Variants in NPIPB12 observed in about 807,000 individuals in gnomAD.
NPIPB12 encodes nuclear pore complex interacting protein family member B12.
In NPIPB12 at chr16:29,486,993, CA is replaced by C. The variant is rs1404727504; in HGVS notation, c.746del (p.Leu249ArgfsTer19). ...ACCTCTGACACTTAGAATATTAGAT[CA>C]GGGGCCCCACTGGGTGGGGATGAAG... On this transcript the variant is annotated frameshift_variant, in exon 6 of 6. Coordinates refer to ENST00000617311, the Ensembl canonical transcript of NPIPB12. LOFTEE classifies it high-confidence loss of function. 6 of 961,024 alleles carry C rather than the reference CA, an allele frequency of 6.2e-6. 2 individuals carry two copies. The highest frequency in any genetic ancestry group is 1.3e-4 in the East Asian group (2 of 15,438). The allele number at this position is 961,024 out of a possible 1,614,324, so 59.5% of individuals were successfully genotyped here.
At chr16:29,498,389 CAA>C (rs1596717831) in intron 1 of NPIPB12, among the ~76,000 whole-genome samples, 2 of 137,386 alleles carry the variant, frequency 1.5e-5, no homozygotes, top group South Asian at 2.5e-4. Flanking sequence ...ATGTACTTTC[CAA>C]AGTTAGTAAA....
chr16:29,504,546 G>A (rs559740003), intron 2 of NPIPB12, among the ~76,000 whole-genome samples: 2 of 149,444 alleles, frequency 1.3e-5, no homozygotes, highest in South Asian at 4.3e-4. Context: ...GTGTGTGTGT[G>A]TGTGTGTGTG....
chr16:29,498,090 CG>C (rs1229535227), intron 1 of NPIPB12, among the ~76,000 whole-genome samples: 5 of 132,524 alleles, frequency 3.8e-5, no homozygotes, highest in African/African-American at 1.3e-4. Context: ...CACCTGAGGT[CG>C]GGAGTTCAAA....
intron 2 of NPIPB12, among the ~76,000 whole-genome samples, chr16:29,504,522 G>A (rs1238166784): frequency 2.0e-5 from 2 of 101,874 alleles, no homozygotes; most frequent in African/African-American, 1.1e-4. Context: ...ATATGTGTGT[G>A]TGTGTGTGTG....
At chr16:29,504,514 ATGTGTGTG>A (rs375593232) in intron 2 of NPIPB12, among the ~76,000 whole-genome samples, 2,510 of 137,572 alleles carry the variant, frequency 0.018, 9 homozygotes, top group South Asian at 0.04. Context: ...CAAAAAATAT[ATGTGTGTG>A]TGTGTGTGTG....
At chr16:29,492,472 C>A (rs1046566529) in intron 2 of NPIPB12, among the ~76,000 whole-genome samples, 6 of 66,850 alleles carry the variant, frequency 9.0e-5, no homozygotes, top group Non-Finnish European at 8.2e-5. Flanking sequence ...ACCTGGGCAA[C>A]AAAATTGAAA....
intron 4 of NPIPB12, among the ~76,000 whole-genome samples, chr16:29,490,495 G>A (rs1401141533): frequency 4.8e-4 from 71 of 149,180 alleles, no homozygotes; most frequent in South Asian, 4.4e-4. Context: ...AGCACATTGG[G>A]AGGCCGAGGT....
intron 2 of NPIPB12, among the ~76,000 whole-genome samples, chr16:29,504,748 ACT>A (rs1269638502): frequency 2.0e-4 from 6 of 30,346 alleles, no homozygotes; most frequent in South Asian, 1.5e-3. Context: ...GATGTGGTTA[ACT>A]CTTTTATTCA....
intron 4 of NPIPB12, among the ~76,000 whole-genome samples, chr16:29,490,201 T>G (rs1163553720): frequency 4.1e-3 from 128 of 30,990 alleles, no homozygotes; most frequent in African/African-American, 0.018. Context: ...TTGCTAAACA[T>G]TTTTTAACAA....
intron 4 of NPIPB12, among the ~76,000 whole-genome samples, chr16:29,490,551 G>A (rs1965069509): frequency 6.9e-6 from 1 of 145,820 alleles, no homozygotes. Context: ...CCAATATGGT[G>A]AAACCCCGCC....
At chr16:29,495,194 G>C (rs1399116911) in intron 2 of NPIPB12, among the ~76,000 whole-genome samples, 2 of 145,502 alleles carry the variant, frequency 1.4e-5, no homozygotes, top group Admixed American at 7.0e-5. Flanking sequence ...TCCTATTTAA[G>C]TGACGAAACC....
chr16:29,498,389 C>T (rs1186648479), intron 1 of NPIPB12, among the ~76,000 whole-genome samples: 2 of 137,320 alleles, frequency 1.5e-5, no homozygotes, highest in East Asian at 2.4e-4. Context: ...ATGTACTTTC[C>T]AAAGTTAGTA....
chr16:29,498,387 T>C (rs1280955279), intron 1 of NPIPB12, among the ~76,000 whole-genome samples: 1 of 138,824 alleles, frequency 7.2e-6, no homozygotes, highest in East Asian at 2.3e-4. Context: ...GTATGTACTT[T>C]CCAAAGTTAG....
chr16:29,498,061 G>A, intron 1 of NPIPB12, among the ~76,000 whole-genome samples: 1 of 133,792 alleles, frequency 7.5e-6, no homozygotes, highest in East Asian at 3.1e-4. Context: ...AACGCTTTGG[G>A]AGGCCGAGGC....
upstream of NPIPB12, among the ~76,000 whole-genome samples, chr16:29,504,351 C>G (rs1257617440): frequency 1.1e-5 from 1 of 87,044 alleles, no homozygotes; most frequent in African/African-American, 4.5e-5. Flanking sequence ...ACTAAGAATA[C>G]AAAAATTAGC....
intron 2 of NPIPB12, among the ~76,000 whole-genome samples, chr16:29,504,514 A>G (rs200203481): frequency 0.037 from 5,051 of 136,656 alleles, 7 homozygotes; most frequent in East Asian, 0.077. Context: ...CAAAAAATAT[A>G]TGTGTGTGTG....
intron 2 of NPIPB12, among the ~76,000 whole-genome samples, chr16:29,495,148 G>A (rs1965122374): frequency 6.9e-6 from 1 of 144,274 alleles, no homozygotes; most frequent in African/African-American, 2.5e-5. Context: ...CCACCCATAC[G>A]ATAGAACTAC....
intron 2 of NPIPB12, among the ~76,000 whole-genome samples, chr16:29,504,511 T>A (rs1334106007): frequency 1.9e-4 from 18 of 93,622 alleles, no homozygotes; most frequent in Non-Finnish European, 3.1e-4. Flanking sequence ...TCTCAAAAAA[T>A]ATATGTGTGT....
intron 1 of NPIPB12, among the ~76,000 whole-genome samples, chr16:29,497,226 A>G (rs1965143993): frequency 1.3e-5 from 1 of 78,404 alleles, no homozygotes; most frequent in African/African-American, 4.4e-5. Flanking sequence ...TTAAAAATTA[A>G]CAAGGTGGGC....
Sources: allele counts gnomAD v4.1 joint callset (sites outside exome capture counted in the v4.1 genomes callset), GRCh38; gene constraint gnomAD v4.1.1; transcripts MANE v1.5; gene names NCBI Gene and HGNC (gene_info 2026-07-23, HGNC 2026-07-21).